SCCPDH: variants seen among roughly 807,000 people sequenced by gnomAD.
The protein encoded by SCCPDH is saccharopine dehydrogenase-like oxidoreductase.
Under a neutral mutation model 51.5 loss-of-function variants are expected in SCCPDH, and 34 were observed. That is an observed-to-expected ratio of 0.66 (90% CI 0.50 to 0.88). The LOEUF (loss-of-function observed/expected upper bound fraction) is 0.88. SCCPDH is among the 40% of genes least tolerant of loss of function. The pLI, the probability that SCCPDH is intolerant of heterozygous loss-of-function variation, is 0.00. For synonymous variants in SCCPDH, 187 were observed against 191.3 expected (o/e 0.98, Z 0.19); for missense variants, 464 against 527.1 (o/e 0.88, Z 1.17).
intron 5 of SCCPDH, among the ~76,000 whole-genome samples, chr1:246,746,063 G>A (rs1263067373): frequency 7.4e-6 from 1 of 135,472 alleles, no homozygotes; most frequent in South Asian, 2.3e-4. Flanking sequence ...AGCCAAGATC[G>A]CACCGCTGCA....
At chr1:246,756,075 A>G (rs1389897115) in intron 5 of SCCPDH, among the ~76,000 whole-genome samples, 1 of 152,242 alleles carries the variant, frequency 6.6e-6, no homozygotes, top group African/African-American at 2.4e-5. Context: ...TGAAAAAGTG[A>G]TACGTTTGTG....
chr1:246,738,848 G>T (rs1041896999), intron 3 of SCCPDH, among the ~76,000 whole-genome samples: 1 of 152,190 alleles, frequency 6.6e-6, no homozygotes, highest in Admixed American at 6.5e-5. Flanking sequence ...GCGAGACTCC[G>T]TCTCAAAACA....
At position 246,759,134 on chromosome 1, in the gene SCCPDH, A is replaced by G; in HGVS notation, c.796A>G (p.Asn266Asp). The stretch of plus-strand genomic sequence containing the variant: ...GAGGACTCAACGTTACTTGTATGAA[A>G]ATTTAGAGGAATCACCAGTAAGTAT... ...VRRTQRYLYE[N>D]LEESPVQYAA... Residue 266 changes from asparagine (N) to aspartate (D), a missense_variant, in exon 7 of 12, where the codon AAT becomes GAT. Asn to Asp is a conservative substitution (Grantham distance 23, BLOSUM62 1). Coordinates refer to ENST00000366510, the MANE Select transcript of SCCPDH (RefSeq NM_016002.3). 1.3e-6 allele frequency: 2 copies of G among 1,530,348 alleles called. No homozygotes were observed. The highest frequency in any genetic ancestry group is 1.4e-5 in the African/African-American group (1 of 73,194). 94.8% of individuals were successfully genotyped at this position (1,530,348 alleles called of 1,614,324 possible).
rs753366557 is a variant in SCCPDH, at chr1:246,727,004, A to G, written c.303A>G (p.Pro101=). The G allele has an allele frequency of 6.3e-7, 1 of 1,588,328 alleles. No homozygotes were observed. Among genetic ancestry groups the G allele is most frequent in the South Asian group, 1.1e-5 (1 of 90,538 alleles). ...QATVVLNCVG[P]YRFYGEPVIK... ...CAGTTGTCCTCAATTGCGTAGGACC[A>G]GTAAGTAATCAACCCTTCTTTGTAT... The change falls in exon 2 of 12, where the codon CCA becomes CCG. Residue 101 remains proline, a splice_region_variant and synonymous_variant. Coordinates refer to ENST00000366510, the MANE Select transcript of SCCPDH (RefSeq NM_016002.3).
At chr1:246,746,130 A>AAAAAG (rs1558170611) in intron 5 of SCCPDH, among the ~76,000 whole-genome samples, 1 of 131,474 alleles carries the variant, frequency 7.6e-6, no homozygotes, top group Non-Finnish European at 1.7e-5. Context: ...AAAAAAAAAA[A>AAAAAG]AAGAAGGAAG....
Position 246,726,986 on chromosome 1 carries a change from C to T in SCCPDH, c.285C>T (p.Val95=), listed in dbSNP as rs1352558630. ...AAATGGCTAAACAGGCAACAGTTGT[C>T]CTCAATTGCGTAGGACCAGTAAGTA... ...LDEMAKQATV[V]LNCVGPYRFY... is the part of the protein sequence containing the mutation. Residue 95 remains valine, a synonymous_variant, in exon 2 of 12, where the codon GTC becomes GTT. Coordinates refer to ENST00000366510, the MANE Select transcript of SCCPDH (RefSeq NM_016002.3). 3 of 1,612,380 alleles carry T rather than the reference C, an allele frequency of 1.9e-6. No homozygotes were observed. Among genetic ancestry groups the T allele is most frequent in the Non-Finnish European group, 1.7e-6 (2 of 1,178,476 alleles).
intron 9 of SCCPDH, among the ~76,000 whole-genome samples, chr1:246,762,317 G>T (rs2102991047): frequency 6.6e-6 from 1 of 152,216 alleles, no homozygotes; most frequent in Middle Eastern, 3.4e-3. Context: ...TATTCTTTGG[G>T]TTGCCGTTTT....
intron 5 of SCCPDH, among the ~76,000 whole-genome samples, chr1:246,755,223 T>C (rs1404991156): frequency 1.3e-5 from 2 of 152,234 alleles, no homozygotes; most frequent in Non-Finnish European, 2.9e-5. Context: ...TTCAAATTTG[T>C]TTATAATCTC....
chr1:246,739,466 G>T (rs114774005), intron 3 of SCCPDH, among the ~76,000 whole-genome samples: 1 of 152,164 alleles, frequency 6.6e-6, no homozygotes, highest in African/African-American at 2.4e-5. Context: ...AAAAGAAGCC[G>T]AAGGAGACGT....
In SCCPDH at chr1:246,767,588, A is replaced by G; in HGVS notation, c.*288A>G. On this transcript the variant is annotated 3_prime_UTR_variant, in exon 12 of 12. Coordinates refer to ENST00000366510, the MANE Select transcript of SCCPDH (RefSeq NM_016002.3). ...AATGAGCTGGCAGGTCTAATGGGGG[A>G]GGCGGCGTCCCAGTCTGTGTTGCAG... 1 of 186,500 alleles carries G rather than the reference A, an allele frequency of 5.4e-6. No individual in the cohort carries two copies. The highest frequency in any genetic ancestry group is 1.1e-5 in the Non-Finnish European group (1 of 90,598). 11.6% of individuals were successfully genotyped at this position (186,500 alleles called of 1,614,324 possible).
In SCCPDH at chr1:246,760,052, A is replaced by G. The variant is rs770723619; in HGVS notation, c.909A>G (p.Gly303=). 3 of 1,612,916 alleles carry G rather than the reference A, an allele frequency of 1.9e-6. No homozygotes were observed. The East Asian group carries it at 6.7e-5, about 36-fold the overall frequency. Residue 303 remains glycine (G), a synonymous_variant, in exon 8 of 12, where the codon GGA becomes GGG. Transcript: ENST00000366510. ...GLFFLFFVRF[G]IGRQLLIKFP... is the part of the protein sequence containing the mutation. ...TCTTTTTGTTCTTTGTGAGGTTTGG[A>G]ATTGGAAGGCAACTTCTCATAAAAG...
At chr1:246,748,822 A>G (rs6671220) in intron 5 of SCCPDH, among the ~76,000 whole-genome samples, 36,212 of 152,046 alleles carry the variant, frequency 0.24, 4,490 homozygotes, top group South Asian at 0.3. Flanking sequence ...GGGATGGCCA[A>G]CTGGACTAGA....
At chr1:246,761,805 T>C (rs921956993) in intron 9 of SCCPDH, among the ~76,000 whole-genome samples, 1 of 151,672 alleles carries the variant, frequency 6.6e-6, no homozygotes, top group African/African-American at 2.4e-5. Context: ...AGTGAACACA[T>C]GTGTTGCCTC....
chr1:246,761,367 G>A (rs915437970), intron 9 of SCCPDH, among the ~76,000 whole-genome samples: 1 of 152,106 alleles, frequency 6.6e-6, no homozygotes, highest in African/African-American at 2.4e-5. Flanking sequence ...GAGCCACTGC[G>A]CCCGGCCTCT....
intron 5 of SCCPDH, among the ~76,000 whole-genome samples, chr1:246,752,104 A>G (rs1668859534): frequency 1.3e-5 from 2 of 151,954 alleles, no homozygotes; most frequent in African/African-American, 4.8e-5. Context: ...TTTAATGTCA[A>G]AGATGATAAC....
rs1440397548 is a variant in SCCPDH, at chr1:246,747,604, A to G, written c.564+3479A>G. On this transcript the variant is annotated intron_variant, in intron 5 of 11. Transcript: ENST00000366510. ...GAAGGGTGCATCTCGTGGATGGAGCAATGGTGAGAGCACACCTGAACAAGG... is the reference window on the plus strand; with the variant it reads ...GAAGGGTGCATCTCGTGGATGGAGCGATGGTGAGAGCACACCTGAACAAGG... Among the ~76,000 whole-genome samples, 3 of 152,238 alleles carry G rather than the reference A, an allele frequency of 2.0e-5. No individual in the cohort carries two copies. In the East Asian group the frequency reaches 5.8e-4, roughly 29 times the overall value.
At chr1:246,738,551 C>T (rs1232856557) in intron 3 of SCCPDH, among the ~76,000 whole-genome samples, 1 of 150,464 alleles carries the variant, frequency 6.6e-6, no homozygotes, top group Non-Finnish European at 1.5e-5. Flanking sequence ...TTTTACAAGA[C>T]AATAATAGAA....
chr1:246,752,043 G>C (rs1334977821), intron 5 of SCCPDH, among the ~76,000 whole-genome samples: 1 of 150,868 alleles, frequency 6.6e-6, no homozygotes, highest in Admixed American at 6.6e-5. Context: ...GCCTCCCAAA[G>C]TGCTGGGATT....
At chr1:246,738,026 T>C (rs1668623715) in intron 3 of SCCPDH, among the ~76,000 whole-genome samples, 1 of 152,096 alleles carries the variant, frequency 6.6e-6, no homozygotes, top group African/African-American at 2.4e-5. Flanking sequence ...CGAAACCCCA[T>C]CTCTACTAAA....
Sources: gnomAD v4.1 joint callset for allele counts (sites outside exome capture counted in the v4.1 genomes callset) on GRCh38, gnomAD v4.1.1 for gene constraint, MANE v1.5 for transcripts, NCBI Gene and HGNC (gene_info 2026-07-23, HGNC 2026-07-21) for gene names.